The following LEKR1 variants were observed in gnomAD, a reference collection of about 807,000 sequenced individuals.
LEKR1 encodes the protein leucine, glutamate and lysine rich 1.
LEKR1 carries 59 observed loss-of-function variants against 72.4 expected under a neutral mutation model. The ratio of observed to expected loss-of-function variants is 0.82; its 90% CI spans 0.66 to 1.01. The LOEUF (loss-of-function observed/expected upper bound fraction) is 1.01. Ranked by LOEUF, LEKR1 falls within the 50% of genes least tolerant of loss-of-function variation. LEKR1 has a pLI of 0.00. For synonymous variants in LEKR1, 257 were observed against 263.2 expected, an observed-to-expected ratio of 0.98 and a Z score of 0.23; for missense variants, 728 against 759.2, an observed-to-expected ratio of 0.96 and a Z score of 0.48.
chr3:156,906,838 G>A (rs1034884121), intron 3 of LEKR1, among the ~76,000 whole-genome samples: 43 of 152,050 alleles, frequency 2.8e-4, no homozygotes, highest in Non-Finnish European at 2.9e-5. Context: ...CTTGGAAAGT[G>A]TTTCAATGTG....
chr3:157,034,377 A>G (rs958739246), intron 12 of LEKR1, among the ~76,000 whole-genome samples: 2 of 152,184 alleles, frequency 1.3e-5, no homozygotes, highest in African/African-American at 4.8e-5. Context: ...AAATATCAAT[A>G]ATTACAAAAG....
intron 3 of LEKR1, among the ~76,000 whole-genome samples, chr3:156,884,197 A>C (rs1719810134): frequency 6.6e-6 from 1 of 152,196 alleles, no homozygotes; most frequent in South Asian, 2.1e-4. Flanking sequence ...AAGACAGCAG[A>C]TACTTGGTTG....
At chr3:156,874,506 T>C (rs931881107) in intron 3 of LEKR1, among the ~76,000 whole-genome samples, 4 of 151,610 alleles carry the variant, frequency 2.6e-5, no homozygotes, top group Non-Finnish European at 5.9e-5. Context: ...GCAGACATTT[T>C]CCCTTGGCTT....
intron 3 of LEKR1, among the ~76,000 whole-genome samples, chr3:156,881,810 T>C (rs1344016155): frequency 7.5e-4 from 81 of 107,866 alleles, no homozygotes; most frequent in Admixed American, 7.9e-4. Flanking sequence ...GAGATATAGA[T>C]CAATGGAACA....
chr3:156,880,517 C>G (rs2108551554), intron 3 of LEKR1, among the ~76,000 whole-genome samples: 1 of 152,224 alleles, frequency 6.6e-6, no homozygotes, highest in East Asian at 1.9e-4. Context: ...AATAGCTTAC[C>G]AACCAAAAAG....
intron 1 of LEKR1, chr3:156,827,027 T>A (rs905555910): frequency 6.5e-6 from 1 of 153,884 alleles, no homozygotes; most frequent in African/African-American, 2.4e-5. Context: ...CACTTATCAC[T>A]GCACCTCTTG....
chr3:156,967,324 T>A (rs554203698), intron 6 of LEKR1, among the ~76,000 whole-genome samples: 1 of 152,150 alleles, frequency 6.6e-6, no homozygotes, highest in East Asian at 1.9e-4. Context: ...ATCAAACTAC[T>A]CTGAGCTAAA....
rs201026893 is a variant in LEKR1 at position 156,899,317 on chromosome 3, TATATATAC to T, written c.264-21240_264-21233del. On this transcript the variant is annotated intron_variant, in intron 3 of 12. Coordinates refer to ENST00000356539, the MANE Select transcript of LEKR1 (RefSeq NM_001004316.3). ...ATATACATATATACATACACACATG[TATATATAC>T]ATATATACATATATACACATATATA... is the stretch of plus-strand genomic sequence containing the variant. Among the ~76,000 whole-genome samples, 1,038 of 139,202 alleles carry T rather than the reference TATATATAC, an allele frequency of 7.5e-3. 1 individual carries two copies. Among genetic ancestry groups the T allele is most frequent in the African/African-American group, 0.023 (847 of 36,210 alleles). The allele number at this position is 139,202 out of a possible 152,430, so 91.3% of individuals were successfully genotyped here. A position where few individuals can be genotyped will look rare whatever the true frequency, so the allele number is the denominator to read the frequency against.
At chr3:156,913,146 A>G (rs917894100) in intron 3 of LEKR1, among the ~76,000 whole-genome samples, 7 of 152,180 alleles carry the variant, frequency 4.6e-5, no homozygotes, top group African/African-American at 1.4e-4. Context: ...AAAATAGAAT[A>G]GCTTTTTTCT....
At chr3:157,041,258 C>G (rs967952494) in intron 12 of LEKR1, among the ~76,000 whole-genome samples, 13 of 152,096 alleles carry the variant, frequency 8.5e-5, no homozygotes, top group Non-Finnish European at 8.8e-5. Context: ...CCACCTGACC[C>G]AAGGGGCACT....
chr3:157,042,330 C>G (rs1032669566), intron 12 of LEKR1, among the ~76,000 whole-genome samples: 1 of 152,134 alleles, frequency 6.6e-6, no homozygotes, highest in African/African-American at 2.4e-5. Context: ...GCAGCGGGCC[C>G]CAGGCAGTCA....
intron 6 of LEKR1, among the ~76,000 whole-genome samples, chr3:156,948,415 T>C (rs756676729): frequency 1.5e-4 from 22 of 151,224 alleles, no homozygotes; most frequent in Non-Finnish European, 2.2e-4. Flanking sequence ...TAGTGACTCT[T>C]GGGCCTACAA....
intron 5 of LEKR1, among the ~76,000 whole-genome samples, chr3:156,933,455 T>G (rs62275813): frequency 0.032 from 4,825 of 152,278 alleles, 114 homozygotes; most frequent in Non-Finnish European, 0.047. Flanking sequence ...TGCATATCTT[T>G]GCCAACACTT....
At chr3:156,859,050 A>C (rs1716433951) in intron 3 of LEKR1, among the ~76,000 whole-genome samples, 1 of 152,200 alleles carries the variant, frequency 6.6e-6, no homozygotes, top group African/African-American at 2.4e-5. Context: ...TAAGAGTTTA[A>C]TAAACAATAA....
At chr3:156,857,585 T>C (rs1167395052) in intron 3 of LEKR1, among the ~76,000 whole-genome samples, 1 of 152,184 alleles carries the variant, frequency 6.6e-6, no homozygotes, top group African/African-American at 2.4e-5. Context: ...GTTGAGCATC[T>C]AATCTGAAAA....
At chr3:156,956,808 G>A (rs1399233271) in intron 6 of LEKR1, among the ~76,000 whole-genome samples, 2 of 151,950 alleles carry the variant, frequency 1.3e-5, no homozygotes, top group Non-Finnish European at 2.9e-5. Context: ...TCCACACCAT[G>A]TAAAGGATTT....
intron 3 of LEKR1, among the ~76,000 whole-genome samples, chr3:156,870,901 A>T (rs1228523156): frequency 2.0e-5 from 3 of 152,054 alleles, no homozygotes; most frequent in Non-Finnish European, 4.4e-5. Flanking sequence ...ACTTTATCAA[A>T]TACTTTTTCT....
chr3:156,854,545 C>CT (rs200242109), intron 3 of LEKR1, among the ~76,000 whole-genome samples: 64 of 144,960 alleles, frequency 4.4e-4, no homozygotes, highest in South Asian at 1.7e-3. Flanking sequence ...TCTTTCTTTC[C>CT]TTTTTTTTTT....
intron 2 of LEKR1, among the ~76,000 whole-genome samples, chr3:156,845,421 G>A (rs1267211808): frequency 6.6e-6 from 1 of 151,676 alleles, no homozygotes; most frequent in Non-Finnish European, 1.5e-5. Context: ...TTTAGATCCT[G>A]AAGATTTTCT....
Sources: gnomAD v4.1 joint callset for allele counts (sites outside exome capture counted in the v4.1 genomes callset) on GRCh38, gnomAD v4.1.1 for gene constraint, MANE v1.5 for transcripts, NCBI Gene and HGNC (gene_info 2026-07-23, HGNC 2026-07-21) for gene names.